RTP2: variants seen among roughly 807,000 people sequenced by gnomAD.
RTP2 encodes receptor transporter protein 2.
RTP2 carries 12 observed loss-of-function variants against 17.9 expected under a neutral mutation model. The observed-to-expected ratio is 0.67, with a 90% CI of 0.43 to 1.09. The LOEUF (loss-of-function observed/expected upper bound fraction) is 1.09. Ranked by LOEUF, RTP2 falls within the 50% of genes least tolerant of loss-of-function variation. The pLI is 0.00. For missense variants in RTP2, 327 were observed against 295.7 expected, an observed-to-expected ratio of 1.11 and a Z score of -0.78; for synonymous variants, 126 against 117.7, an observed-to-expected ratio of 1.07 and a Z score of -0.46.
chr3:187,704,488 GAATCCCTTC>G (rs1717940716), upstream of RTP2, among the ~76,000 whole-genome samples: 1 of 152,204 alleles, frequency 6.6e-6, no homozygotes, highest in African/African-American at 2.4e-5. Flanking sequence ...GTCCTGGGAA[GAATCCCTTC>G]TATTGCCAGC....
upstream of RTP2, among the ~76,000 whole-genome samples, chr3:187,704,562 A>T (rs961396991): frequency 6.6e-6 from 1 of 152,170 alleles, no homozygotes; most frequent in Non-Finnish European, 1.5e-5. Context: ...CAAAAATGAA[A>T]AACAAAAAAA....
At chr3:187,699,976 C>T (rs1253016349) in intron 1 of RTP2, among the ~76,000 whole-genome samples, 1 of 152,168 alleles carries the variant, frequency 6.6e-6, no homozygotes, top group Non-Finnish European at 1.5e-5. Context: ...CAGTTCTTTC[C>T]TTCCCTGAGA....
chr3:187,715,500 G>C, the RTP2 span: 1 of 330,754 alleles, frequency 3.0e-6, no homozygotes, highest in South Asian at 2.3e-5. Context: ...TCTGGAAATA[G>C]GAAATCATGG....
chr3:187,698,621 C>T (rs983308176), exon 2 of RTP2: 20 of 1,614,130 alleles, frequency 1.2e-5, no homozygotes, highest in Admixed American at 1.7e-5. Flanking sequence ...GGGCCCTCGG[C>T]TTGGAGGCTT....
chr3:187,709,930 T>A, the RTP2 span, among the ~76,000 whole-genome samples: 1 of 152,252 alleles, frequency 6.6e-6, no homozygotes, highest in Middle Eastern at 3.4e-3. Flanking sequence ...TGATGAATAA[T>A]TTTATATGTC....
chr3:187,698,472 C>G, exon 2 of RTP2: 3 of 1,569,678 alleles, frequency 1.9e-6, no homozygotes, highest in Non-Finnish European at 2.6e-6. Context: ...AGCCCATGTG[C>G]CCTCTCCCAC....
chr3:187,702,335 AG>A, exon 1 of RTP2: 1 of 588,150 alleles, frequency 1.7e-6, no homozygotes, highest in Admixed American at 2.8e-5. Flanking sequence ...GCTGGGGAGA[AG>A]GGAAGCCCCA....
exon 1 of RTP2, chr3:187,702,200 G>T: frequency 7.0e-7 from 1 of 1,437,130 alleles, no homozygotes; most frequent in Non-Finnish European, 9.5e-7. Context: ...GATAGGTACG[G>T]GACAATTCAG....
upstream of RTP2, among the ~76,000 whole-genome samples, chr3:187,706,543 A>G (rs1717995067): frequency 6.6e-6 from 1 of 152,244 alleles, no homozygotes; most frequent in Admixed American, 6.5e-5. Context: ...ATTTGGATAT[A>G]GAGTGGGAGC....
chr3:187,705,354 C>T (rs1200903995), upstream of RTP2, among the ~76,000 whole-genome samples: 1 of 152,112 alleles, frequency 6.6e-6, no homozygotes. Flanking sequence ...ACAAAAATAG[C>T]CATGACTCAT....
At chr3:187,698,757 T>C (rs1244542812) in exon 2 of RTP2, 5 of 1,613,948 alleles carry the variant, frequency 3.1e-6, no homozygotes, top group Admixed American at 3.3e-5. Flanking sequence ...GCTGGCCACG[T>C]GGATGCGGTA....
chr3:187,711,539 G>A, the RTP2 span, among the ~76,000 whole-genome samples: 1 of 152,190 alleles, frequency 6.6e-6, no homozygotes, highest in Non-Finnish European at 1.5e-5. Flanking sequence ...TAGAGAATGT[G>A]GTCTGTATGG....
chr3:187,698,995 A>C, exon 2 of RTP2: 1 of 1,587,520 alleles, frequency 6.3e-7, no homozygotes, highest in Non-Finnish European at 8.6e-7. Context: ...GTGTGCCAGC[A>C]CCAGGAGCAG....
upstream of RTP2, among the ~76,000 whole-genome samples, chr3:187,704,530 T>G (rs1172049037): frequency 6.6e-6 from 1 of 152,172 alleles, no homozygotes; most frequent in Non-Finnish European, 1.5e-5. Context: ...TGGGATATGT[T>G]GTCCCACAGG....
At chr3:187,699,708 G>A (rs1012311477) in intron 1 of RTP2, among the ~76,000 whole-genome samples, 1 of 149,996 alleles carries the variant, frequency 6.7e-6, no homozygotes, top group African/African-American at 2.5e-5. Flanking sequence ...GGAAAAGAGG[G>A]TATTCATTCC....
chr3:187,701,177 T>G (rs2108542203), intron 1 of RTP2, among the ~76,000 whole-genome samples: 1 of 152,312 alleles, frequency 6.6e-6, no homozygotes, highest in Admixed American at 6.5e-5. Flanking sequence ...GAGGAATTTC[T>G]GTAGTCCCAG....
chr3:187,714,618 A>G, the RTP2 span, among the ~76,000 whole-genome samples: 1 of 152,232 alleles, frequency 6.6e-6, no homozygotes, highest in Non-Finnish European at 1.5e-5. Flanking sequence ...ATGCACCAGT[A>G]GAACAGCCTC....
At chr3:187,711,602 T>A in the RTP2 span, among the ~76,000 whole-genome samples, 1 of 152,244 alleles carries the variant, frequency 6.6e-6, no homozygotes, top group Non-Finnish European at 1.5e-5. Flanking sequence ...TTAATTATGC[T>A]TTTCTGTATT....
At chr3:187,703,739 A>G (rs562071196), upstream of RTP2, among the ~76,000 whole-genome samples, 4 of 152,232 alleles carry the variant, frequency 2.6e-5, no homozygotes, top group Admixed American at 1.3e-4. Context: ...CCTGGCCTAG[A>G]CCCTCGTGCC....
Sources: allele counts gnomAD v4.1 joint callset (sites outside exome capture counted in the v4.1 genomes callset), GRCh38; gene constraint gnomAD v4.1.1; transcripts MANE v1.5; gene names NCBI Gene and HGNC (gene_info 2026-07-23, HGNC 2026-07-21).